HSPBAP1: variants seen among roughly 807,000 people sequenced by gnomAD.
The protein encoded by HSPBAP1 is HSPB1 associated protein 1, also known as HSPB1-associated protein 1.
In HSPBAP1, 27 loss-of-function variants were observed where a neutral mutation model predicts 45.2. The ratio of observed to expected loss-of-function variants is 0.60; its 90% CI spans 0.44 to 0.82. The LOEUF is 0.82. Ranked by LOEUF, HSPBAP1 falls within the 40% of genes least tolerant of loss-of-function variation. HSPBAP1 has a pLI of 0.00. For synonymous variants in HSPBAP1, 204 were observed against 202.7 expected, an observed-to-expected ratio of 1.01 and a Z score of -0.06; for missense variants, 510 against 590.9, an observed-to-expected ratio of 0.86 and a Z score of 1.42.
chr3:122,746,811 C>A (rs1022019076), intron 6 of HSPBAP1, among the ~76,000 whole-genome samples: 3 of 152,204 alleles, frequency 2.0e-5, no homozygotes, highest in Non-Finnish European at 4.4e-5. Context: ...CGCCGCCACG[C>A]CTGGCTGGTT....
intron 6 of HSPBAP1, among the ~76,000 whole-genome samples, chr3:122,750,636 G>C (rs1266626826): frequency 1.3e-5 from 2 of 152,140 alleles, no homozygotes; most frequent in East Asian, 1.9e-4. Flanking sequence ...AACAGATTTA[G>C]AGCTGAGATC....
chr3:122,751,834 T>C (rs1934156232), intron 6 of HSPBAP1, among the ~76,000 whole-genome samples: 1 of 152,202 alleles, frequency 6.6e-6, no homozygotes, highest in Non-Finnish European at 1.5e-5. Context: ...TGTAACAATA[T>C]TCCTTCTGTT....
At chr3:122,785,862 T>TAGATAGATAGAA (rs900642643) in intron 1 of HSPBAP1, among the ~76,000 whole-genome samples, 1 of 152,066 alleles carries the variant, frequency 6.6e-6, no homozygotes, top group African/African-American at 2.4e-5. Context: ...GATAGATAGA[T>TAGATAGATAGAA]AGATAGGGAA....
rs920003203 is a variant in HSPBAP1 at position 122,793,570 on chromosome 3, C to A, written c.64+47G>T. 6 of 1,570,702 alleles carry A rather than the reference C, an allele frequency of 3.8e-6. No individual in the cohort carries two copies. In the Admixed American group the frequency reaches 8.4e-5, roughly 22 times the overall value. ...CCACGAGGGGTGCCACGAGAGTCAA[C>A]TGGCATTGGGTTTGTACTCAGGGTC... On this transcript the variant is annotated intron_variant, in intron 1 of 7. Transcript: ENST00000306103.
At chr3:122,778,107 A>AT (rs1935251296) in intron 1 of HSPBAP1, among the ~76,000 whole-genome samples, 3 of 151,866 alleles carry the variant, frequency 2.0e-5, no homozygotes, top group African/African-American at 7.3e-5. Flanking sequence ...ATCCAGGGGT[A>AT]TATGTGCAGG....
chr3:122,788,152 C>G (rs993287091), intron 1 of HSPBAP1, among the ~76,000 whole-genome samples: 1 of 152,128 alleles, frequency 6.6e-6, no homozygotes, highest in African/African-American at 2.4e-5. Context: ...GGTTCATGAG[C>G]CTTTTAGCTT....
intron 4 of HSPBAP1, among the ~76,000 whole-genome samples, chr3:122,758,392 A>G (rs1934433332): frequency 6.6e-6 from 1 of 152,176 alleles, no homozygotes; most frequent in Non-Finnish European, 1.5e-5. Context: ...ACCTAAGGTA[A>G]CAATACACTG....
intron 6 of HSPBAP1, 59 bp from the exon 7 acceptor site, chr3:122,741,172 A>C: frequency 8.2e-7 from 1 of 1,217,068 alleles, no homozygotes; most frequent in Non-Finnish European, 1.2e-6. Flanking sequence ...TTAAGAGATA[A>C]TAAAGTCTGT....
intron 1 of HSPBAP1, among the ~76,000 whole-genome samples, chr3:122,784,389 A>G (rs922028285): frequency 5.3e-5 from 8 of 152,218 alleles, no homozygotes; most frequent in African/African-American, 1.9e-4. Context: ...ATACACATAC[A>G]CACACACAAA....
intron 5 of HSPBAP1, 53 bp from the exon 6 acceptor site, chr3:122,752,727 T>C (rs1934203414): frequency 6.6e-7 from 1 of 1,504,820 alleles, no homozygotes; most frequent in South Asian, 1.2e-5. Context: ...TTCATTTTTA[T>C]GTCAGAATCA....
At chr3:122,768,316 G>A (rs569368198) in intron 3 of HSPBAP1, among the ~76,000 whole-genome samples, 1 of 152,276 alleles carries the variant, frequency 6.6e-6, no homozygotes, top group Non-Finnish European at 1.5e-5. Context: ...CACAGCCCAA[G>A]GAATGCTCCT....
intron 1 of HSPBAP1, among the ~76,000 whole-genome samples, chr3:122,781,045 G>A (rs1935447305): frequency 6.6e-6 from 1 of 151,072 alleles, no homozygotes; most frequent in South Asian, 2.1e-4. Flanking sequence ...ATGGCGGCCG[G>A]GCAGAGAAGC....
chr3:122,773,429 C>T (rs536365015), intron 2 of HSPBAP1, among the ~76,000 whole-genome samples: 58 of 151,330 alleles, frequency 3.8e-4, no homozygotes, highest in African/African-American at 1.4e-3. Context: ...CACGCCTCAC[C>T]TCCCAAATAG....
intron 6 of HSPBAP1, among the ~76,000 whole-genome samples, chr3:122,747,955 GAA>G (rs1164823032): frequency 6.6e-6 from 1 of 152,234 alleles, no homozygotes; most frequent in African/African-American, 2.4e-5. Context: ...GAACGGTGGG[GAA>G]AAGATTGAGA....
intron 5 of HSPBAP1, chr3:122,754,756 A>C: frequency 1.0e-6 from 1 of 985,752 alleles, no homozygotes; most frequent in Non-Finnish European, 1.2e-6. Context: ...TACCTTTGGA[A>C]ATGTTTCAGA....
At chr3:122,746,928 T>G (rs1019061863) in intron 6 of HSPBAP1, among the ~76,000 whole-genome samples, 2 of 151,964 alleles carry the variant, frequency 1.3e-5, no homozygotes, top group African/African-American at 4.8e-5. Flanking sequence ...GTGCTGGGAT[T>G]GCAGACGGAG....
rs374109137 is a variant in HSPBAP1, at chr3:122,740,517, T to C, written c.1295A>G (p.Lys432Arg). The change falls in exon 8 of 8, where the codon AAG becomes AGG. Residue 432 changes from lysine (K) to arginine (R), a missense_variant. Lys to Arg is a conservative substitution (Grantham distance 26). Coordinates refer to ENST00000306103, the MANE Select transcript of HSPBAP1 (RefSeq NM_024610.6). ...GEHFGKLHCA[K>R]RQQIMSNSEN... is the part of the protein sequence containing the mutation. ...ACTGTTGCTCATTATTTGTTGTCTC[T>C]TGGCACAATGCAATTTTCCAAAGTG... 6.2e-7 allele frequency: 1 copy of C among 1,614,106 alleles called. No homozygotes were observed. Among genetic ancestry groups the C allele is most frequent in the Non-Finnish European group, 8.5e-7 (1 of 1,180,050 alleles).
In HSPBAP1 at chr3:122,787,953, C is replaced by T. The variant is rs376618135; in HGVS notation, c.64+5664G>A. Among the ~76,000 whole-genome samples the T allele has an allele frequency of 9.2e-4, 140 of 152,270 alleles. 1 individual carries two copies. The highest frequency in any genetic ancestry group is 3.2e-3 in the African/African-American group (132 of 41,554). On this transcript the variant is annotated intron_variant, in intron 1 of 7. Transcript: ENST00000306103. ...GTAACATAATACTTAAGTACAATGA[C>T]GGCTAACCATAAACCCTTTGAATTT...
rs766740346 is a variant in HSPBAP1, at chr3:122,740,604, G to A, written c.1208C>T (p.Pro403Leu). ...VPVAQRSEEP[P>L]SERGGIFGSD... ...TCCAAATATGCCTCCTCTTTCTGAA[G>A]GCGGTTCTTCGGACCTCTGTGCTAC... Residue 403 changes from proline to leucine, a missense_variant, in exon 8 of 8, where the codon CCT (proline) becomes CTT (leucine). By Grantham distance (98) the Pro-to-Leu change is moderately conservative (BLOSUM62 -3). Transcript: ENST00000306103. The A allele has an allele frequency of 6.8e-6, 11 of 1,614,172 alleles. No homozygotes were observed. The highest frequency in any genetic ancestry group is 9.3e-6 in the Non-Finnish European group (11 of 1,180,042).
Sources: gnomAD v4.1 joint callset for allele counts (sites outside exome capture counted in the v4.1 genomes callset) on GRCh38, gnomAD v4.1.1 for gene constraint, MANE v1.5 for transcripts, NCBI Gene and HGNC (gene_info 2026-07-23, HGNC 2026-07-21) for gene names.